CD96: variants seen among roughly 807,000 people sequenced by gnomAD.
The protein encoded by CD96 is T-cell surface protein tactile.
In CD96, 70 loss-of-function variants were observed where a neutral mutation model predicts 71.3. The ratio of observed to expected loss-of-function variants is 0.98; its 90% CI spans 0.81 to 1.20. The LOEUF (loss-of-function observed/expected upper bound fraction) is 1.20. CD96 is among the 50% of genes most tolerant of loss of function. CD96 has a pLI of 0.00. For missense variants in CD96, 742 were observed against 677.5 expected, an observed-to-expected ratio of 1.10 and a Z score of -1.06; for synonymous variants, 248 against 233.0, an observed-to-expected ratio of 1.06 and a Z score of -0.59.
chr3:111,608,338 CTTTAT>C (rs771038379), intron 8 of CD96, among the ~76,000 whole-genome samples: 25 of 152,320 alleles, frequency 1.6e-4, no homozygotes, highest in Middle Eastern at 3.4e-3. Flanking sequence ...ATTACTTCTG[CTTTAT>C]TTTATCTACT....
chr3:111,612,798 C>T, intron 8 of CD96: 1 of 886,566 alleles, frequency 1.1e-6, no homozygotes, highest in Non-Finnish European at 1.4e-6. Context: ...GACACCTATG[C>T]TTATATTAAT....
intron 7 of CD96, among the ~76,000 whole-genome samples, chr3:111,604,441 G>C (rs1295268943): frequency 1.3e-5 from 2 of 152,142 alleles, no homozygotes; most frequent in Non-Finnish European, 2.9e-5. Context: ...CCTGAGTTTT[G>C]TTTTGACCAA....
At chr3:111,632,010 T>C (rs1939088780) in intron 10 of CD96, among the ~76,000 whole-genome samples, 1 of 151,990 alleles carries the variant, frequency 6.6e-6, no homozygotes, top group Admixed American at 6.6e-5. Context: ...CCCAAAACTA[T>C]AAAAACCCTA....
intron 2 of CD96, 55 bp from the exon 3 acceptor site, chr3:111,567,468 C>G: frequency 1.3e-6 from 2 of 1,494,280 alleles, no homozygotes; most frequent in South Asian, 2.3e-5. Context: ...TGATAAAAAG[C>G]ACTTTACAAA....
At chr3:111,575,234 C>A (rs1450722371) in intron 3 of CD96, among the ~76,000 whole-genome samples, 2 of 152,182 alleles carry the variant, frequency 1.3e-5, no homozygotes, top group Non-Finnish European at 2.9e-5. Context: ...TACTTACTGG[C>A]TATGAGACCT....
chr3:111,584,532 G>C (rs1184264344), intron 4 of CD96, among the ~76,000 whole-genome samples: 1 of 152,158 alleles, frequency 6.6e-6, no homozygotes, highest in Non-Finnish European at 1.5e-5. Flanking sequence ...AGAAAAAGAA[G>C]TTTAATTGGA....
At chr3:111,569,278 G>A (rs1171925100) in intron 3 of CD96, among the ~76,000 whole-genome samples, 1 of 151,970 alleles carries the variant, frequency 6.6e-6, no homozygotes, top group African/African-American at 2.4e-5. Flanking sequence ...ATAATAAAAA[G>A]AATTATATTT....
intron 5 of CD96, among the ~76,000 whole-genome samples, chr3:111,588,648 G>GA (rs1414278414): frequency 5.3e-5 from 8 of 152,008 alleles, no homozygotes; most frequent in African/African-American, 1.9e-4. Flanking sequence ...ATTTATACAG[G>GA]AAAAAGGTTA....
chr3:111,547,201 T>G (rs978842818), intron 2 of CD96, among the ~76,000 whole-genome samples: 2 of 152,230 alleles, frequency 1.3e-5, no homozygotes, highest in Admixed American at 1.3e-4. Flanking sequence ...TGTAATGCAC[T>G]TAAACATATA....
In CD96 at chr3:111,604,963, A is replaced by G. The variant is rs546818607; in HGVS notation, c.1088-1737A>G. ...GCCATAGTTTGCCAACCTCTATTTT[A>G]ATCAATATACAGAGAAAAACATCTA... On this transcript the variant is annotated intron_variant, in intron 7 of 13. Coordinates refer to ENST00000352690, the MANE Select transcript of CD96 (RefSeq NM_005816.5). Among the ~76,000 whole-genome samples, 13 of 152,346 alleles carry G rather than the reference A, an allele frequency of 8.5e-5. No individual in the cohort carries two copies. In the East Asian group the frequency reaches 2.5e-3, roughly 29 times the overall value.
intron 8 of CD96, among the ~76,000 whole-genome samples, chr3:111,608,297 T>C (rs1456676564): frequency 1.3e-5 from 2 of 152,230 alleles, no homozygotes; most frequent in Non-Finnish European, 2.9e-5. Context: ...CATATTGCCT[T>C]TTTATGGCTT....
chr3:111,656,207 C>T (rs1481007417), downstream of CD96, among the ~76,000 whole-genome samples: 1 of 151,954 alleles, frequency 6.6e-6, no homozygotes, highest in Non-Finnish European at 1.5e-5. Context: ...AAGCCATGAA[C>T]AAATAATTCA....
chr3:111,553,439 T>C (rs1171424787), intron 2 of CD96, among the ~76,000 whole-genome samples: 1 of 148,706 alleles, frequency 6.7e-6, no homozygotes, highest in African/African-American at 2.5e-5. Flanking sequence ...TTTTTCTTTT[T>C]TTTTTTTTTT....
chr3:111,572,433 A>G (rs977673412), intron 3 of CD96, among the ~76,000 whole-genome samples: 9 of 152,310 alleles, frequency 5.9e-5, no homozygotes, highest in Admixed American at 2.6e-4. Context: ...ATAAACTACA[A>G]CTCTTAGTAT....
intron 7 of CD96, among the ~76,000 whole-genome samples, chr3:111,605,073 C>A (rs969111137): frequency 6.6e-6 from 1 of 152,324 alleles, no homozygotes; most frequent in Middle Eastern, 3.4e-3. Flanking sequence ...CTGTCAGACA[C>A]ACACTTAATG....
intron 2 of CD96, among the ~76,000 whole-genome samples, chr3:111,566,989 T>A (rs1004020950): frequency 6.6e-6 from 1 of 152,160 alleles, no homozygotes; most frequent in African/African-American, 2.4e-5. Context: ...TGGGTGATAA[T>A]GAAGTGCCAG....
downstream of CD96, among the ~76,000 whole-genome samples, chr3:111,655,967 A>AAT (rs1274052225): frequency 2.0e-5 from 3 of 151,666 alleles, no homozygotes; most frequent in African/African-American, 4.8e-5. Context: ...CAATTGTATG[A>AAT]ATATATATGC....
intron 7 of CD96, among the ~76,000 whole-genome samples, chr3:111,602,686 G>A (rs549860637): frequency 1.3e-5 from 2 of 152,240 alleles, no homozygotes; most frequent in South Asian, 4.2e-4. Context: ...TGTCTGTGAT[G>A]GTACTGCCGG....
intron 7 of CD96, among the ~76,000 whole-genome samples, chr3:111,604,007 A>G (rs7431849): frequency 0.27 from 40,489 of 152,080 alleles, 6,530 homozygotes; most frequent in African/African-American, 0.46. Flanking sequence ...GATTAAGTAA[A>G]TCTAGGTGGG....
Sources: allele counts gnomAD v4.1 joint callset (sites outside exome capture counted in the v4.1 genomes callset), GRCh38; gene constraint gnomAD v4.1.1; transcripts MANE v1.5; gene names NCBI Gene and HGNC (gene_info 2026-07-23, HGNC 2026-07-21).